FARS2: variants seen among roughly 807,000 people sequenced by gnomAD.
FARS2 encodes the protein phenylalanyl-tRNA synthetase 2, mitochondrial.
A neutral mutation model predicts 46.4 loss-of-function variants in FARS2; 40 were observed. The ratio of observed to expected loss-of-function variants is 0.86; its 90% CI spans 0.67 to 1.12. The LOEUF is 1.12. Among genes scored for constraint, FARS2 ranks in the 50% most tolerant of loss-of-function variants. The pLI is 0.00. For missense variants in FARS2, 513 were observed against 567.9 expected, an observed-to-expected ratio of 0.90 and a Z score of 0.98; for synonymous variants, 234 against 214.9, an observed-to-expected ratio of 1.09 and a Z score of -0.78.
chr6:5,706,363 C>A (rs1390615379), intron 6 of FARS2, among the ~76,000 whole-genome samples: 1 of 152,190 alleles, frequency 6.6e-6, no homozygotes, highest in Non-Finnish European at 1.5e-5. Flanking sequence ...AGGGCAGGGG[C>A]TGAGTCTTGA....
At chr6:5,413,681 A>G (rs1762064591) in intron 3 of FARS2, among the ~76,000 whole-genome samples, 2 of 152,188 alleles carry the variant, frequency 1.3e-5, no homozygotes, top group South Asian at 4.1e-4. Flanking sequence ...TGCACTGGAC[A>G]CTTGATGAAA....
At chr6:5,614,219 T>C (rs1439183676) in intron 6 of FARS2, among the ~76,000 whole-genome samples, 7 of 152,190 alleles carry the variant, frequency 4.6e-5, no homozygotes, top group African/African-American at 1.4e-4. Context: ...CATTTCTGAC[T>C]GGTCACCTTT....
chr6:5,365,005 TC>T (rs951228621), intron 1 of FARS2, among the ~76,000 whole-genome samples: 2 of 150,812 alleles, frequency 1.3e-5, no homozygotes, highest in African/African-American at 2.4e-5. Flanking sequence ...GCCATGATCA[TC>T]CCACTGCACT....
intron 3 of FARS2, among the ~76,000 whole-genome samples, chr6:5,416,348 A>T (rs1348858612): frequency 6.6e-6 from 1 of 152,184 alleles, no homozygotes; most frequent in Non-Finnish European, 1.5e-5. Context: ...TTTGTTTTCC[A>T]TATTGATATC....
chr6:5,386,710 T>C (rs759191760), intron 2 of FARS2, among the ~76,000 whole-genome samples: 6 of 152,184 alleles, frequency 3.9e-5, no homozygotes, highest in South Asian at 2.1e-4. Context: ...GGGTTGCTTT[T>C]TTGGTGCCAT....
At chr6:5,260,566 CG>C, upstream of FARS2, 2 of 1,509,918 alleles carry the variant, frequency 1.3e-6, no homozygotes, top group Non-Finnish European at 1.8e-6. Context: ...TCCCAGTCCC[CG>C]GGGATATTCC....
chr6:5,354,419 A>G (rs1325777595), intron 1 of FARS2, among the ~76,000 whole-genome samples: 1 of 152,192 alleles, frequency 6.6e-6, no homozygotes, highest in Non-Finnish European at 1.5e-5. Flanking sequence ...ATTTTCTTAA[A>G]GGATTACTAT....
chr6:5,704,069 C>T (rs750285789), intron 6 of FARS2, among the ~76,000 whole-genome samples: 1 of 152,174 alleles, frequency 6.6e-6, no homozygotes, highest in Non-Finnish European at 1.5e-5. Context: ...CAGATGCCAA[C>T]GCTGGTCAGC....
At chr6:5,655,775 G>C (rs940526513) in intron 6 of FARS2, among the ~76,000 whole-genome samples, 1 of 152,182 alleles carries the variant, frequency 6.6e-6, no homozygotes, top group Non-Finnish European at 1.5e-5. Flanking sequence ...CAGAGAATTG[G>C]AGGTAGGTGT....
Position 5,587,941 on chromosome 6 carries a change from G to A in FARS2, c.1066-25228G>A, listed in dbSNP as rs570998411. Reference sequence around the variant, plus strand: ...CGTGTTGTTTAATGGGATAGTGTATGTAAATTATGAAACAACATATTTTAA... The same window carrying A: ...CGTGTTGTTTAATGGGATAGTGTATATAAATTATGAAACAACATATTTTAA... On this transcript the variant is annotated intron_variant, in intron 5 of 6. Coordinates refer to ENST00000274680, the MANE Select transcript of FARS2 (RefSeq NM_006567.5). Among the ~76,000 whole-genome samples the A allele has an allele frequency of 5.3e-5, 8 of 152,242 alleles. No homozygotes were observed. The South Asian group carries it at 1.7e-3, about 32-fold the overall frequency.
rs182413710 is a variant in FARS2 at position 5,701,092 on chromosome 6, G to A, written c.1218-70199G>A. ...AAGCCTGCTGCAAAGGGTCCAGAAG[G>A]ATCTATGGGATTTGGTGGGCTGCAG... On this transcript the variant is annotated intron_variant, in intron 6 of 6. Coordinates refer to ENST00000274680, the MANE Select transcript of FARS2 (RefSeq NM_006567.5). Among the ~76,000 whole-genome samples the A allele has an allele frequency of 2.3e-3, 351 of 152,358 alleles. 2 individuals carry two copies. Among genetic ancestry groups the A allele is most frequent in the African/African-American group, 8.2e-3 (339 of 41,590 alleles).
chr6:5,645,747 GCAT>G (rs1250736889), intron 6 of FARS2, among the ~76,000 whole-genome samples: 4 of 152,222 alleles, frequency 2.6e-5, no homozygotes, highest in Admixed American at 6.5e-5. Flanking sequence ...ACAGCCGGCT[GCAT>G]TCAGTTGACG....
At chr6:5,328,986 G>A (rs1273899775) in intron 1 of FARS2, among the ~76,000 whole-genome samples, 1 of 152,102 alleles carries the variant, frequency 6.6e-6, no homozygotes, top group South Asian at 2.1e-4. Flanking sequence ...GCAGTTCGAG[G>A]GAGTGAAGTG....
chr6:5,711,522 C>T (rs1416793840), intron 6 of FARS2, among the ~76,000 whole-genome samples: 1 of 152,170 alleles, frequency 6.6e-6, no homozygotes, highest in Non-Finnish European at 1.5e-5. Context: ...CCAAGGCCAA[C>T]GTCAAGAGTG....
intron 4 of FARS2, among the ~76,000 whole-genome samples, chr6:5,499,962 A>G (rs1561665885): frequency 6.6e-6 from 1 of 152,160 alleles, no homozygotes; most frequent in South Asian, 2.1e-4. Context: ...CTCTCTGCAT[A>G]CATTAATACA....
intron 4 of FARS2, among the ~76,000 whole-genome samples, chr6:5,504,530 T>G (rs950455312): frequency 1.4e-4 from 21 of 151,102 alleles, no homozygotes; most frequent in Admixed American, 1.4e-3. Context: ...TTTCAAAAAT[T>G]AAAATAGTGT....
chr6:5,642,830 G>T (rs920411640), intron 6 of FARS2, among the ~76,000 whole-genome samples: 8 of 152,180 alleles, frequency 5.3e-5, no homozygotes, highest in African/African-American at 1.9e-4. Flanking sequence ...AGAAAGACAG[G>T]ACCTGTAAGT....
At chr6:5,369,225 C>A in intron 2 of FARS2, 43 bp downstream of exon 2, 1 of 1,575,028 alleles carries the variant, frequency 6.3e-7, no homozygotes, top group Non-Finnish European at 8.6e-7. Context: ...ATGTCATAGA[C>A]ATTTTATGTT....
intron 3 of FARS2, among the ~76,000 whole-genome samples, chr6:5,429,426 G>C (rs960842809): frequency 6.6e-6 from 1 of 152,168 alleles, no homozygotes; most frequent in Non-Finnish European, 1.5e-5. Context: ...AAGCCTCCCT[G>C]TGTTTGATAA....
Sources: allele counts gnomAD v4.1 joint callset (sites outside exome capture counted in the v4.1 genomes callset), GRCh38; gene constraint gnomAD v4.1.1; transcripts MANE v1.5; gene names NCBI Gene and HGNC (gene_info 2026-07-23, HGNC 2026-07-21).